The following CYB5A variants were observed in gnomAD, a reference collection of about 807,000 sequenced individuals.
The protein encoded by CYB5A is cytochrome b5 type A, also known as cytochrome b5.
Under a neutral mutation model 16.2 loss-of-function variants are expected in CYB5A, and 10 were observed. The observed-to-expected ratio is 0.62, with a 90% CI of 0.38 to 1.04. The LOEUF (loss-of-function observed/expected upper bound fraction) is 1.04, where lower values mean the gene tolerates loss of function less well. Ranked by LOEUF, CYB5A falls within the 50% of genes least tolerant of loss-of-function variation. The probability of loss-of-function intolerance (pLI) is 0.01; values close to 1 mark genes in which losing one functional copy is unlikely to be tolerated. For missense variants in CYB5A, 161 were observed against 165.9 expected (o/e 0.97, Z 0.16); for synonymous variants, 62 against 57.0 (o/e 1.09, Z -0.40).
At chr18:74,272,287 T>A (rs1982698609) in intron 1 of CYB5A, among the ~76,000 whole-genome samples, 1 of 152,156 alleles carries the variant, frequency 6.6e-6, no homozygotes, top group African/African-American at 2.4e-5. Context: ...AGTTTAAGAG[T>A]GTGTGGTCCT....
At chr18:74,267,949 A>C (rs532816016) in intron 1 of CYB5A, among the ~76,000 whole-genome samples, 2 of 152,310 alleles carry the variant, frequency 1.3e-5, no homozygotes, top group South Asian at 4.1e-4. Flanking sequence ...GAGGACCCAG[A>C]AGTGGGGATG....
At chr18:74,285,413 A>G (rs1349457320) in intron 1 of CYB5A, among the ~76,000 whole-genome samples, 1 of 152,268 alleles carries the variant, frequency 6.6e-6, no homozygotes, top group Non-Finnish European at 1.5e-5. Flanking sequence ...AAGAGAATTT[A>G]TAAGCTAAAG....
chr18:74,281,999 G>A (rs1422857981), intron 1 of CYB5A, among the ~76,000 whole-genome samples: 4 of 152,064 alleles, frequency 2.6e-5, no homozygotes, highest in East Asian at 1.9e-4. Flanking sequence ...GTGGAGGCCC[G>A]GGCTCTGGGC....
intron 3 of CYB5A, chr18:74,259,551 T>C (rs1026002124): frequency 6.6e-6 from 1 of 152,208 alleles, no homozygotes; most frequent in Non-Finnish European, 1.5e-5. Context: ...ATGTACAATC[T>C]TACACCTACA....
chr18:74,270,333 T>C (rs148288474), intron 1 of CYB5A, among the ~76,000 whole-genome samples: 268 of 152,226 alleles, frequency 1.8e-3, no homozygotes, highest in African/African-American at 6.1e-3. Context: ...TGTGGGCGGA[T>C]TGCTTGAGGC....
At chr18:74,271,316 T>A (rs1419295919) in intron 1 of CYB5A, among the ~76,000 whole-genome samples, 1 of 152,198 alleles carries the variant, frequency 6.6e-6, no homozygotes, top group African/African-American at 2.4e-5. Flanking sequence ...TCTGACTGTC[T>A]ACAGATGACC....
chr18:74,276,803 G>C (rs1032488203), intron 1 of CYB5A, among the ~76,000 whole-genome samples: 2 of 152,184 alleles, frequency 1.3e-5, no homozygotes, highest in Non-Finnish European at 2.9e-5. Context: ...AGGCGTCTAA[G>C]TCGAGATGAT....
rs180849142 is a variant in CYB5A, at chr18:74,251,801, A to T, written c.*1783T>A. 103 of 152,380 alleles carry T rather than the reference A, an allele frequency of 6.8e-4. 1 individual carries two copies. Among genetic ancestry groups the T allele is most frequent in the African/African-American group, 2.2e-3 (93 of 41,596 alleles). The allele number at this position is 152,380 out of a possible 1,614,324, so 9.4% of individuals were successfully genotyped here. On this transcript the variant is annotated 3_prime_UTR_variant, in exon 5 of 5. Transcript: ENST00000340533. ...AACACATGAAGAAACATTGCCAGCC[A>T]CAGCAGCAAATTGCTGAGTCACTGA...
chr18:74,257,293 C>G (rs1297825412), intron 3 of CYB5A: 1 of 184,152 alleles, frequency 5.4e-6, no homozygotes, highest in Non-Finnish European at 1.1e-5. Flanking sequence ...ACTCTGGCAC[C>G]AGCATCATCA....
intron 1 of CYB5A, among the ~76,000 whole-genome samples, chr18:74,277,637 G>A (rs1568222033): frequency 6.6e-6 from 1 of 152,208 alleles, no homozygotes; most frequent in Non-Finnish European, 1.5e-5. Flanking sequence ...TGGCACAAAA[G>A]ATGGAGGGAT....
At chr18:74,260,241 T>C (rs1982146632) in intron 3 of CYB5A, 1 of 152,692 alleles carries the variant, frequency 6.5e-6, no homozygotes, top group Admixed American at 6.5e-5. Flanking sequence ...CTTTCCCCTG[T>C]AGTCCTTTAA....
At chr18:74,290,168 A>AACATG (rs1347341251) in intron 1 of CYB5A, among the ~76,000 whole-genome samples, 1 of 152,192 alleles carries the variant, frequency 6.6e-6, no homozygotes, top group Non-Finnish European at 1.5e-5. Flanking sequence ...ACTAAATGGT[A>AACATG]ACATGACTTT....
intron 1 of CYB5A, among the ~76,000 whole-genome samples, chr18:74,275,362 T>G (rs148339600): frequency 6.6e-6 from 1 of 152,014 alleles, no homozygotes; most frequent in Non-Finnish European, 1.5e-5. Context: ...CCTTCTGGAG[T>G]GGTGGATCCT....
intron 1 of CYB5A, among the ~76,000 whole-genome samples, chr18:74,275,949 C>G (rs1161528190): frequency 6.6e-6 from 1 of 152,164 alleles, no homozygotes; most frequent in Non-Finnish European, 1.5e-5. Context: ...ACCCCAACAC[C>G]AGCGCGGCAC....
intron 1 of CYB5A, among the ~76,000 whole-genome samples, chr18:74,287,869 A>G (rs1385691005): frequency 1.3e-5 from 2 of 152,196 alleles, no homozygotes; most frequent in Non-Finnish European, 2.9e-5. Flanking sequence ...AATCACAGAA[A>G]GGGAAATGCA....
Position 74,251,307 on chromosome 18 carries a change from A to T in CYB5A, c.*2277T>A, listed in dbSNP as rs1471883025. On this transcript the variant is annotated 3_prime_UTR_variant, in exon 5 of 5. Transcript: ENST00000340533. The stretch of plus-strand genomic sequence containing the variant: ...TTGGTTTTATGCATTTTAGGGAGAC[A>T]TGAGACATTGATCAATATATGTAAG... 1 of 152,584 alleles carries T rather than the reference A, an allele frequency of 6.6e-6. No individual in the cohort carries two copies. The highest frequency in any genetic ancestry group is 1.5e-5 in the Non-Finnish European group (1 of 68,132). The allele number at this position is 152,584 out of a possible 1,614,324, so 9.5% of individuals were successfully genotyped here.
intron 2 of CYB5A, among the ~76,000 whole-genome samples, chr18:74,262,527 C>G (rs1287212153): frequency 6.6e-6 from 1 of 151,818 alleles, no homozygotes; most frequent in Non-Finnish European, 1.5e-5. Context: ...TGAATTGGTC[C>G]AGAGCTGATA....
At chr18:74,291,195 C>T (rs1338702742) in intron 1 of CYB5A, among the ~76,000 whole-genome samples, 6 of 152,230 alleles carry the variant, frequency 3.9e-5, no homozygotes, top group Admixed American at 6.5e-5. Flanking sequence ...CTCCAGCCGG[C>T]CACTGCGGGA....
chr18:74,271,647 CGTGTGTGTGT>C (rs140764495), intron 1 of CYB5A, among the ~76,000 whole-genome samples: 3 of 149,946 alleles, frequency 2.0e-5, no homozygotes, highest in East Asian at 3.9e-4. Flanking sequence ...ATGTACTTAT[CGTGTGTGTGT>C]GTGTGTGTGT....
Sources: gnomAD v4.1 joint callset for allele counts (sites outside exome capture counted in the v4.1 genomes callset) on GRCh38, gnomAD v4.1.1 for gene constraint, MANE v1.5 for transcripts, NCBI Gene and HGNC (gene_info 2026-07-23, HGNC 2026-07-21) for gene names.